The following RBM47 variants were observed in gnomAD, a reference collection of about 807,000 sequenced individuals.
RBM47 encodes the protein RNA-binding protein 47.
In RBM47, 21 loss-of-function variants were observed where a neutral mutation model predicts 47.1. That is an observed-to-expected ratio of 0.45 (90% confidence interval 0.32 to 0.64). The LOEUF is 0.64. Ranked by LOEUF, RBM47 falls within the 30% of genes least tolerant of loss-of-function variation. The pLI, the probability that RBM47 is intolerant of heterozygous loss-of-function variation, is 0.05. For synonymous variants in RBM47, 375 were observed against 361.7 expected (o/e 1.04, Z -0.42); for missense variants, 708 against 870.9 (o/e 0.81, Z 2.35).
chr4:40,549,742 G>T (rs565204468), intron 1 of RBM47, among the ~76,000 whole-genome samples: 38 of 145,138 alleles, frequency 2.6e-4, no homozygotes, highest in Non-Finnish European at 5.3e-4. Flanking sequence ...GTGCAGTGGC[G>T]CAATCTCAGC....
chr4:40,453,363 A>G (rs1715746754), intron 3 of RBM47, among the ~76,000 whole-genome samples: 2 of 152,218 alleles, frequency 1.3e-5, no homozygotes, highest in Non-Finnish European at 2.9e-5. Context: ...GTGGGCCAAG[A>G]CAGACTTCAG....
intron 6 of RBM47, chr4:40,427,704 T>C (rs1212740331): frequency 6.6e-6 from 1 of 152,162 alleles, no homozygotes; most frequent in Non-Finnish European, 1.5e-5. Flanking sequence ...ATTAAAATAA[T>C]TATTTCTTCC....
chr4:40,612,478 C>T (rs191110746), intron 1 of RBM47, among the ~76,000 whole-genome samples: 5 of 152,284 alleles, frequency 3.3e-5, no homozygotes, highest in Admixed American at 3.3e-4. Context: ...CACCACTGCA[C>T]TTGCACTCCA....
intron 1 of RBM47, among the ~76,000 whole-genome samples, chr4:40,625,812 AT>A (rs906557972): frequency 5.3e-5 from 8 of 152,164 alleles, no homozygotes; most frequent in Admixed American, 3.3e-4. Context: ...GCTGAGTGTA[AT>A]CTATAAATAA....
At chr4:40,547,231 T>C (rs143980518) in intron 1 of RBM47, among the ~76,000 whole-genome samples, 1 of 152,286 alleles carries the variant, frequency 6.6e-6, no homozygotes, top group East Asian at 1.9e-4. Context: ...GCCAAATTCA[T>C]AAATTCAAGG....
At chr4:40,584,894 T>C (rs1424913905) in intron 1 of RBM47, among the ~76,000 whole-genome samples, 2 of 145,912 alleles carry the variant, frequency 1.4e-5, no homozygotes, top group Admixed American at 7.0e-5. Flanking sequence ...TGTTTTCTAA[T>C]GCTCAAAATG....
intron 1 of RBM47, among the ~76,000 whole-genome samples, chr4:40,601,550 G>C (rs559063965): frequency 2.6e-5 from 4 of 152,208 alleles, no homozygotes; most frequent in Admixed American, 6.5e-5. Flanking sequence ...TTGTTAGCTT[G>C]AGGTTAATTT....
intron 1 of RBM47, among the ~76,000 whole-genome samples, chr4:40,625,310 C>T (rs1377037730): frequency 6.6e-6 from 1 of 152,132 alleles, no homozygotes; most frequent in Non-Finnish European, 1.5e-5. Flanking sequence ...AAACCCTGTC[C>T]ATTTTGTACT....
intron 1 of RBM47, among the ~76,000 whole-genome samples, chr4:40,608,540 G>C (rs771514309): frequency 2.0e-4 from 31 of 152,138 alleles, no homozygotes; most frequent in Non-Finnish European, 2.8e-4. Context: ...TCCATATCGA[G>C]TATTAAGACC....
chr4:40,495,383 C>T lies in RBM47; in HGVS notation c.-154-28684G>A, dbSNP rs1382349655. On this transcript the variant is annotated intron_variant, in intron 2 of 6. Transcript: ENST00000295971. The stretch of plus-strand genomic sequence containing the variant: ...TTGGGAGCCTGAGGCAGGTGGATCA[C>T]TTGAGGCCAGGAGTTGGAGAACAGC... 2.0e-5 allele frequency among the ~76,000 whole-genome samples: 3 copies of T among 152,236 alleles called. No homozygotes were observed. The East Asian group carries it at 5.8e-4, about 29-fold the overall frequency.
At chr4:40,607,966 A>G (rs1735915682) in intron 1 of RBM47, among the ~76,000 whole-genome samples, 1 of 151,946 alleles carries the variant, frequency 6.6e-6, no homozygotes, top group African/African-American at 2.4e-5. Flanking sequence ...TTGGCCAGGC[A>G]TGGCAGCCTA....
intron 1 of RBM47, among the ~76,000 whole-genome samples, chr4:40,604,643 T>TA (rs879327659): frequency 8.0e-5 from 12 of 150,890 alleles, no homozygotes; most frequent in African/African-American, 1.9e-4. Flanking sequence ...AAATAAAAAA[T>TA]AAAAAAAAAT....
At chr4:40,520,564 C>A (rs1439775278) in intron 2 of RBM47, among the ~76,000 whole-genome samples, 1 of 152,058 alleles carries the variant, frequency 6.6e-6, no homozygotes, top group African/African-American at 2.4e-5. Flanking sequence ...GTTTTGAGCT[C>A]CCTTGGACAC....
chr4:40,484,349 C>T (rs931762548), intron 2 of RBM47, among the ~76,000 whole-genome samples: 2 of 152,174 alleles, frequency 1.3e-5, no homozygotes, highest in Admixed American at 6.5e-5. Context: ...TCATTCTCTC[C>T]ATTTCGACCC....
chr4:40,497,705 G>A (rs903579327), intron 2 of RBM47, among the ~76,000 whole-genome samples: 10 of 150,934 alleles, frequency 6.6e-5, no homozygotes, highest in Non-Finnish European at 1.2e-4. Flanking sequence ...CAGGCACACT[G>A]GCTCTTGCTT....
chr4:40,432,748 A>C lies in RBM47; in HGVS notation c.1445T>G (p.Val482Gly). 1 of 1,612,938 alleles carries C rather than the reference A, an allele frequency of 6.2e-7. No individual in the cohort carries two copies. The highest frequency in any genetic ancestry group is 8.5e-7 in the Non-Finnish European group (1 of 1,179,764). Reference protein sequence around the residue: ...TVEHMISPIAVQPDPASAAAA... With the variant: ...TVEHMISPIAGQPDPASAAAA... ...AGCAGCACTGGCTGGGTCTGGCTGC[A>C]CAGCAATGGGGCTGATCATGTGCTC... The change falls in exon 6 of 7, where the codon GTG (valine) becomes GGG (glycine). Residue 482 changes from valine to glycine, a missense_variant. Coordinates refer to ENST00000295971, the MANE Select transcript of RBM47 (RefSeq NM_001098634.2).
chr4:40,441,628 T>G (rs143711649), intron 3 of RBM47, among the ~76,000 whole-genome samples: 3 of 152,260 alleles, frequency 2.0e-5, no homozygotes, highest in Non-Finnish European at 4.4e-5. Flanking sequence ...CTGACTAAAG[T>G]CCAAGGGAAT....
intron 1 of RBM47, among the ~76,000 whole-genome samples, chr4:40,583,868 AAACAAAAAACAAAAAAC>A (rs776579551): frequency 0.36 from 49,926 of 138,242 alleles, 9,403 homozygotes; most frequent in Non-Finnish European, 0.38. Context: ...AAAAAAAAAA[AAACAAAAAACAAAAAAC>A]AAAAAAACCA....
At chr4:40,564,388 C>T (rs954294734) in intron 1 of RBM47, among the ~76,000 whole-genome samples, 4 of 152,156 alleles carry the variant, frequency 2.6e-5, no homozygotes, top group South Asian at 2.1e-4. Flanking sequence ...GAGCTACCCC[C>T]GAACCTGCAC....
Sources: allele counts gnomAD v4.1 joint callset (sites outside exome capture counted in the v4.1 genomes callset), GRCh38; gene constraint gnomAD v4.1.1; transcripts MANE v1.5; gene names NCBI Gene and HGNC (gene_info 2026-07-23, HGNC 2026-07-21).